STARD13: variants seen among roughly 807,000 people sequenced by gnomAD.
STARD13 encodes the protein stAR-related lipid transfer protein 13.
In STARD13, 62 loss-of-function variants were observed where a neutral mutation model predicts 106.4. That is an observed-to-expected ratio of 0.58 (90% CI 0.48 to 0.72). The LOEUF is 0.72. STARD13 is among the 30% of genes least tolerant of loss of function. The pLI, the probability that STARD13 is intolerant of heterozygous loss-of-function variation, is 0.00. For missense variants in STARD13, 1,387 were observed against 1,424.0 expected (o/e 0.97, Z 0.42); for synonymous variants, 565 against 553.0 (o/e 1.02, Z -0.31).
At chr13:33,380,462 C>T in the STARD13 span, among the ~76,000 whole-genome samples, 1,271 of 143,364 alleles carry the variant, frequency 8.9e-3, 32 homozygotes, top group African/African-American at 0.031. Context: ...GTCACACACA[C>T]ACACCCCCAC....
the STARD13 span, among the ~76,000 whole-genome samples, chr13:33,452,275 G>C: frequency 4.6e-5 from 7 of 151,910 alleles, no homozygotes; most frequent in African/African-American, 1.7e-4. Context: ...CACATGGGAG[G>C]AACTCTCAGT....
chr13:33,643,318 A>G, the STARD13 span, among the ~76,000 whole-genome samples: 1 of 152,222 alleles, frequency 6.6e-6, no homozygotes, highest in Admixed American at 6.5e-5. Flanking sequence ...TTTTGCCTCC[A>G]TAAGGGAAGT....
chr13:33,168,585 G>C (rs1261899676), intron 1 of STARD13, among the ~76,000 whole-genome samples: 8 of 152,314 alleles, frequency 5.3e-5, no homozygotes, highest in Non-Finnish European at 1.5e-5. Context: ...ATTATCACAA[G>C]TCTTTACCAA....
At chr13:33,167,215 G>A (rs1883421827) in intron 2 of STARD13, among the ~76,000 whole-genome samples, 1 of 152,122 alleles carries the variant, frequency 6.6e-6, no homozygotes, top group African/African-American at 2.4e-5. Context: ...TTCAAGAAAA[G>A]TGAGAGTAGT....
chr13:33,127,878 TGTATGTGAGA>T (rs1566004690), intron 5 of STARD13, among the ~76,000 whole-genome samples: 5 of 84,184 alleles, frequency 5.9e-5, no homozygotes, highest in South Asian at 3.9e-4. Context: ...TGTGTGTGTG[TGTATGTGAGA>T]GAGAGAGAGA....
intron 1 of STARD13, among the ~76,000 whole-genome samples, chr13:33,338,538 T>C (rs1181557524): frequency 6.6e-6 from 1 of 152,070 alleles, no homozygotes; most frequent in Non-Finnish European, 1.5e-5. Flanking sequence ...CGATACGAGA[T>C]GCTGCCAGCC....
At chr13:33,388,310 A>G in the STARD13 span, among the ~76,000 whole-genome samples, 6 of 152,238 alleles carry the variant, frequency 3.9e-5, no homozygotes, top group African/African-American at 1.4e-4. Flanking sequence ...GCAAGTAGCC[A>G]GAGATCAAGA....
intron 1 of STARD13, among the ~76,000 whole-genome samples, chr13:33,248,625 G>A (rs888671302): frequency 3.3e-5 from 5 of 152,026 alleles, no homozygotes; most frequent in South Asian, 2.1e-4. Flanking sequence ...CCTGTTTTTT[G>A]TCTTTCTTTT....
At chr13:33,395,927 G>A in the STARD13 span, among the ~76,000 whole-genome samples, 1 of 152,154 alleles carries the variant, frequency 6.6e-6, no homozygotes, top group African/African-American at 2.4e-5. Context: ...TTGCAGCCTC[G>A]AATCCCTGTG....
the STARD13 span, among the ~76,000 whole-genome samples, chr13:33,396,284 C>T: frequency 5.9e-5 from 9 of 152,202 alleles, no homozygotes; most frequent in African/African-American, 1.2e-4. Context: ...GCATGAGCCA[C>T]GGTGTCCAAC....
At chr13:33,152,458 GTTTTACCCTGTC>G (rs1385186788) in intron 3 of STARD13, among the ~76,000 whole-genome samples, 4 of 150,222 alleles carry the variant, frequency 2.7e-5, no homozygotes, top group Non-Finnish European at 5.9e-5. Flanking sequence ...CTCTTATAAA[GTTTTACCCTGTC>G]TTTTACTTAA....
rs541465326 is a variant in STARD13 at position 33,220,376 on chromosome 13, G to T, written c.170-52754C>A. ...TAGACAATGAATATTAGCTATAAGG[G>T]TGAAGATGATCCCTTATAAAAATGA... On this transcript the variant is annotated intron_variant, in intron 1 of 13. Transcript: ENST00000336934. Among the ~76,000 whole-genome samples, 16 of 152,272 alleles carry T rather than the reference G, an allele frequency of 1.1e-4. No individual in the cohort carries two copies. In the East Asian group the frequency reaches 2.5e-3, roughly 24 times the overall value.
the STARD13 span, among the ~76,000 whole-genome samples, chr13:33,481,902 G>A: frequency 6.6e-6 from 1 of 150,486 alleles, no homozygotes; most frequent in Non-Finnish European, 1.5e-5. Context: ...AGAACAGCGT[G>A]AACCCAAGGG....
chr13:33,501,816 CT>C, the STARD13 span, among the ~76,000 whole-genome samples: 2 of 152,166 alleles, frequency 1.3e-5, no homozygotes, highest in African/African-American at 4.8e-5. Context: ...TAGTGTGATG[CT>C]TCCAGCTTTG....
intron 1 of STARD13, among the ~76,000 whole-genome samples, chr13:33,241,176 G>A (rs932312961): frequency 2.6e-5 from 4 of 152,206 alleles, no homozygotes; most frequent in East Asian, 3.9e-4. Flanking sequence ...ACTATTTCAG[G>A]GCCATTGATT....
At chr13:33,247,798 A>G (rs1416002601) in intron 1 of STARD13, among the ~76,000 whole-genome samples, 1 of 152,120 alleles carries the variant, frequency 6.6e-6, no homozygotes, top group Non-Finnish European at 1.5e-5. Flanking sequence ...TGAACTTCCC[A>G]TCACCTGAGA....
At chr13:33,404,684 T>C in the STARD13 span, among the ~76,000 whole-genome samples, 4 of 152,248 alleles carry the variant, frequency 2.6e-5, no homozygotes, top group South Asian at 8.3e-4. Flanking sequence ...CATGTTAAGT[T>C]TCTCCCTCAC....
chr13:33,123,203 G>A (rs976336251), intron 7 of STARD13, among the ~76,000 whole-genome samples: 13 of 152,214 alleles, frequency 8.5e-5, no homozygotes, highest in African/African-American at 2.6e-4. Context: ...AGTACTAAGA[G>A]TCTTCCCAGC....
chr13:33,285,951 C>T (rs1892042788), upstream of STARD13, among the ~76,000 whole-genome samples: 1 of 151,966 alleles, frequency 6.6e-6, no homozygotes, highest in Admixed American at 6.6e-5. Context: ...TTTGACGTGC[C>T]TCAGAGCTGA....
Sources: allele counts gnomAD v4.1 joint callset (sites outside exome capture counted in the v4.1 genomes callset), GRCh38; gene constraint gnomAD v4.1.1; transcripts MANE v1.5; gene names NCBI Gene and HGNC (gene_info 2026-07-23, HGNC 2026-07-21).